Variants in HEATR5B observed in about 807,000 individuals in gnomAD.
HEATR5B encodes HEAT repeat-containing protein 5B.
HEATR5B carries 156 observed loss-of-function variants against 224.1 expected under a neutral mutation model. The observed-to-expected ratio is 0.70, with a 90% confidence interval of 0.61 to 0.80. HEATR5B has a LOEUF of 0.80. HEATR5B is among the 30% of genes least tolerant of loss of function. The pLI is 0.00. For missense variants in HEATR5B, 2,323 were observed against 2,535.5 expected (o/e 0.92, Z 1.80); for synonymous variants, 1,027 against 893.0 (o/e 1.15, Z -2.68).
At chr2:37,051,649 T>TA (rs754854306) in intron 17 of HEATR5B, among the ~76,000 whole-genome samples, 2 of 152,166 alleles carry the variant, frequency 1.3e-5, no homozygotes, top group Non-Finnish European at 2.9e-5. Context: ...ACTCCTTTTC[T>TA]AAAAAACTCA....
intron 2 of HEATR5B, 29 bp from the exon 3 acceptor site, chr2:37,079,360 A>G: frequency 7.5e-7 from 1 of 1,327,812 alleles, no homozygotes; most frequent in South Asian, 1.3e-5. Context: ...TTAAAAGAAC[A>G]TCATTAAAAA....
At chr2:37,010,360 C>T (rs1271627434) in intron 27 of HEATR5B, among the ~76,000 whole-genome samples, 1 of 152,082 alleles carries the variant, frequency 6.6e-6, no homozygotes, top group Non-Finnish European at 1.5e-5. Flanking sequence ...CTGTGTCTTA[C>T]CCCTATTCCC....
At chr2:37,019,649 G>A (rs945338247) in intron 26 of HEATR5B, among the ~76,000 whole-genome samples, 160 bp downstream of exon 26, 2 of 151,544 alleles carry the variant, frequency 1.3e-5, no homozygotes, top group African/African-American at 4.9e-5. Context: ...TAGAGACGGG[G>A]TTTCCCCATG....
chr2:37,016,225 G>A (rs961142139), intron 26 of HEATR5B, among the ~76,000 whole-genome samples: 1 of 148,470 alleles, frequency 6.7e-6, no homozygotes, highest in African/African-American at 2.5e-5. Context: ...CCATTCTCTT[G>A]CCTCAGCCTC....
chr2:37,040,316 A>G lies in HEATR5B; in HGVS notation c.3046+13T>C. On this transcript the variant is annotated intron_variant, in intron 20 of 35. Transcript: ENST00000233099. Reference sequence around the variant, plus strand: ...ATCTAACTAGGTTCCTTAATTTCAGATGATTTACTTACCTTGTAGTTCAGG... The same window carrying G: ...ATCTAACTAGGTTCCTTAATTTCAGGTGATTTACTTACCTTGTAGTTCAGG... 6.3e-7 allele frequency: 1 copy of G among 1,598,362 alleles called. No individual in the cohort carries two copies. The highest frequency in any genetic ancestry group is 1.1e-5 in the South Asian group (1 of 88,734).
At chr2:37,072,868 A>G (rs1671989168) in intron 5 of HEATR5B, among the ~76,000 whole-genome samples, 1 of 152,230 alleles carries the variant, frequency 6.6e-6, no homozygotes, top group Non-Finnish European at 1.5e-5. Context: ...CTTTATGCCA[A>G]TAAAATTGAC....
In HEATR5B at chr2:37,058,953, T is replaced by C. The variant is rs773918213; in HGVS notation, c.1884A>G (p.Leu628=). Reference sequence around the variant, plus strand: ...ATTTTCGAATCACATCTTCAGTTAGTAGCTCAGGACAATGTGCAACGAAGC... The same window carrying C: ...ATTTTCGAATCACATCTTCAGTTAGCAGCTCAGGACAATGTGCAACGAAGC... The part of the protein sequence containing the change: ...MRSFVAHCPE[L]LTEDVIRKLM... Residue 628 remains leucine (L), a synonymous_variant, in exon 13 of 36, where the codon CTA becomes CTG. Coordinates refer to ENST00000233099, the MANE Select transcript of HEATR5B (RefSeq NM_019024.3). 4.3e-6 allele frequency: 7 copies of C among 1,611,194 alleles called. No individual in the cohort carries two copies. The highest frequency in any genetic ancestry group is 4.2e-6 in the Non-Finnish European group (5 of 1,178,238).
In HEATR5B at chr2:37,002,437, T is replaced by C; in HGVS notation, c.5186A>G (p.His1729Arg). The C allele has an allele frequency of 6.2e-7, 1 of 1,614,220 alleles. No individual in the cohort carries two copies. The highest frequency in any genetic ancestry group is 8.5e-7 in the Non-Finnish European group (1 of 1,180,042). Residue 1729 changes from histidine (H) to arginine (R), a missense_variant, in exon 32 of 36, where the codon CAT becomes CGT. By Grantham distance (29) the His-to-Arg change is conservative (BLOSUM62 0). Around this residue, in one of 12 missense-constraint regions of HEATR5B, gnomAD observed 844 missense variants for 812.9 expected, o/e 1.04. Coordinates refer to ENST00000233099, the MANE Select transcript of HEATR5B (RefSeq NM_019024.3). ...AGAGTCTGACACCTTGGTACTGAGA[T>C]GTGGCATATGCCGTACTAAAATGAA... Reference protein sequence around the residue: ...LMFILVRHMPHLSTKVSDSPS... With the variant: ...LMFILVRHMPRLSTKVSDSPS...
At chr2:37,047,035 CAAAAAAAAAAA>C (rs57343074) in intron 18 of HEATR5B, among the ~76,000 whole-genome samples, 1 of 45,426 alleles carries the variant, frequency 2.2e-5, no homozygotes, top group African/African-American at 9.0e-5. Flanking sequence ...GACTCCACCT[CAAAAAAAAAAA>C]AAAAAAAAAA....
chr2:36,998,544 G>C (rs1666877790), intron 33 of HEATR5B, among the ~76,000 whole-genome samples: 1 of 152,148 alleles, frequency 6.6e-6, no homozygotes, highest in African/African-American at 2.4e-5. Context: ...GTACATCCTA[G>C]AAAATCTCTC....
chr2:37,070,090 G>A, intron 7 of HEATR5B, 140 bp downstream of exon 7: 4 of 718,572 alleles, frequency 5.6e-6, no homozygotes, highest in South Asian at 5.3e-5. Flanking sequence ...AGTAGACATG[G>A]GGTTTCACCA....
Position 37,007,095 on chromosome 2 carries a change from T to C in HEATR5B, c.4732A>G (p.Lys1578Glu), listed in dbSNP as rs906047370. 11 of 1,614,014 alleles carry C rather than the reference T, an allele frequency of 6.8e-6. No individual in the cohort carries two copies. In the Admixed American group the frequency reaches 1.0e-4, roughly 15 times the overall value. ...NQASGAVGSA[K>E]SLPEINKDRM... The stretch of plus-strand genomic sequence containing the variant: ...TCTTTGTTAATTTCTGGCAAAGATT[T>C]AGCACTACCCACTGCTCCTGATGCC... Residue 1578 changes from lysine (K) to glutamate (E), a missense_variant, in exon 29 of 36, where the codon AAA becomes GAA. Lys to Glu is a moderately conservative substitution (Grantham distance 56). This residue lies in a region of HEATR5B where 844 missense variants were observed against 812.9 expected (regional missense o/e 1.04). Coordinates refer to ENST00000233099, the MANE Select transcript of HEATR5B (RefSeq NM_019024.3).
At chr2:37,022,784 C>A (rs1159390650) in intron 24 of HEATR5B, among the ~76,000 whole-genome samples, 1 of 152,144 alleles carries the variant, frequency 6.6e-6, no homozygotes, top group African/African-American at 2.4e-5. Flanking sequence ...AGTTTAAAAG[C>A]AAGTCTCAGA....
At chr2:37,079,091 C>T in intron 3 of HEATR5B, 29 bp downstream of exon 3, 2 of 1,382,828 alleles carry the variant, frequency 1.4e-6, no homozygotes, top group South Asian at 1.3e-5. Flanking sequence ...AATAAAACTT[C>T]AAGGGCCCCT....
chr2:37,000,559 C>T (rs753174669), intron 33 of HEATR5B, 27 bp downstream of exon 33: 3 of 1,588,768 alleles, frequency 1.9e-6, no homozygotes, highest in Non-Finnish European at 2.6e-6. Flanking sequence ...TCCTAACTAA[C>T]TAAAACGTTT....
At chr2:37,072,334 G>A in intron 5 of HEATR5B, 53 bp from the exon 6 acceptor site, 2 of 1,311,156 alleles carry the variant, frequency 1.5e-6, no homozygotes, top group Non-Finnish European at 2.1e-6. Flanking sequence ...TGCTTCCAGA[G>A]ATGGAATAGC....
At chr2:36,983,996 C>T (rs1168749324) in intron 35 of HEATR5B, among the ~76,000 whole-genome samples, 1 of 149,768 alleles carries the variant, frequency 6.7e-6, no homozygotes, top group Non-Finnish European at 1.5e-5. Context: ...GCCAGGAGTT[C>T]GAGACCAGCC....
intron 34 of HEATR5B, 98 bp from the exon 35 acceptor site, chr2:36,988,957 T>C (rs1419809098): frequency 4.7e-6 from 4 of 843,602 alleles, no homozygotes; most frequent in African/African-American, 1.7e-5. Context: ...TAAGTGATAC[T>C]GCAGGACAAA....
intron 18 of HEATR5B, among the ~76,000 whole-genome samples, chr2:37,044,380 G>A (rs1198956074): frequency 6.6e-6 from 1 of 152,124 alleles, no homozygotes; most frequent in Non-Finnish European, 1.5e-5. Context: ...CCTAGTCTTT[G>A]GGGTCTGGAT....
Sources: gnomAD v4.1 joint callset for allele counts (sites outside exome capture counted in the v4.1 genomes callset) on GRCh38, gnomAD v4.1.1 for gene constraint, gnomAD v4.1.1 regional missense constraint, MANE v1.5 for transcripts, NCBI Gene and HGNC (gene_info 2026-07-23, HGNC 2026-07-21) for gene names.